TBL1Y: variants seen among roughly 807,000 people sequenced by gnomAD.
TBL1Y encodes the protein transducin beta like 1 Y-linked.
In TBL1Y, 15 loss-of-function variants were observed where a neutral mutation model predicts 12.0. That is an observed-to-expected ratio of 1.25 (90% CI 0.83 to 1.92). The LOEUF (loss-of-function observed/expected upper bound fraction) is 1.92, where lower values mean the gene tolerates loss of function less well. Among genes scored for constraint, TBL1Y ranks in the 40% most tolerant of loss-of-function variants. The pLI is 0.00. For synonymous variants in TBL1Y, 53 were observed against 42.6 expected (o/e 1.24, Z -0.95); for missense variants, 148 against 116.7 (o/e 1.27, Z -1.24).
intron 13 of TBL1Y, among the ~76,000 whole-genome samples, chrY:7,080,449 G>T (rs2013090098): frequency 3.1e-5 from 1 of 32,461 alleles, no homozygotes; most frequent in Non-Finnish European, 7.5e-5. Flanking sequence ...TTAGCTTAGT[G>T]TGGTGGCATA....
At chrY:6,983,890 G>A in intron 3 of TBL1Y, among the ~76,000 whole-genome samples, 1 of 33,371 alleles carries the variant, frequency 3.0e-5, no homozygotes, top group African/African-American at 1.2e-4. Flanking sequence ...TATCACACGT[G>A]TGTCCAGTAA....
chrY:7,079,756 G>A (rs2013082456), intron 13 of TBL1Y, among the ~76,000 whole-genome samples: 1 of 33,980 alleles, frequency 2.9e-5, no homozygotes, highest in Non-Finnish European at 7.3e-5. Flanking sequence ...TGAAAATAGG[G>A]CAAGAAATTC....
At chrY:6,938,973 G>C in intron 2 of TBL1Y, among the ~76,000 whole-genome samples, 1 of 33,998 alleles carries the variant, frequency 2.9e-5, no homozygotes, top group Non-Finnish European at 7.3e-5. Flanking sequence ...CATAAAGGTA[G>C]TGCAGACCCA....
At chrY:6,933,140 T>C (rs2011877972) in intron 2 of TBL1Y, among the ~76,000 whole-genome samples, 1 of 33,992 alleles carries the variant, frequency 2.9e-5, no homozygotes, top group Non-Finnish European at 7.3e-5. Context: ...CCTCAGGTGA[T>C]CTGCCTGCCT....
chrY:6,953,502 T>A, intron 2 of TBL1Y, among the ~76,000 whole-genome samples: 9 of 34,172 alleles, frequency 2.6e-4, no homozygotes, highest in Admixed American at 2.4e-3. Context: ...CGTCACGTAG[T>A]TCTCTTGCCA....
rs745913966 is a variant in TBL1Y at position 7,043,031 on chromosome Y, C to A, written c.110C>A (p.Ser37Tyr). 8 of 396,068 alleles carry A rather than the reference C, an allele frequency of 2.0e-5. No homozygotes were observed. Among genetic ancestry groups the A allele is most frequent in the Non-Finnish European group, 2.5e-5 (7 of 283,172 alleles). The change falls in exon 7 of 19, where the codon TCC (serine) becomes TAC (tyrosine). Residue 37 changes from serine (S) to tyrosine (Y), a missense_variant. By Grantham distance (144) the Ser-to-Tyr change is moderately radical. Transcript: ENST00000383032. ...TFGIESHISQ[S>Y]NINGTLVPPS... The stretch of plus-strand genomic sequence containing the variant: ...GGGATCGAGAGCCACATCAGCCAGT[C>A]CAACATCAATGGGACACTAGTGCCA...
At chrY:7,001,122 G>A (rs2012447111) in intron 4 of TBL1Y, among the ~76,000 whole-genome samples, 1 of 32,179 alleles carries the variant, frequency 3.1e-5, no homozygotes, top group African/African-American at 1.2e-4. Flanking sequence ...ATCCTCTGTG[G>A]GGAACCCTGT....
intron 8 of TBL1Y, among the ~76,000 whole-genome samples, chrY:7,067,272 C>T: frequency 3.0e-5 from 1 of 33,243 alleles, no homozygotes; most frequent in Non-Finnish European, 7.4e-5. Flanking sequence ...TTCAAGACAA[C>T]ATAGCAAGGC....
At chrY:7,080,047 G>GTT (rs1426265629) in intron 13 of TBL1Y, among the ~76,000 whole-genome samples, 11 of 8,409 alleles carry the variant, frequency 1.3e-3, no homozygotes, top group African/African-American at 5.9e-3. Context: ...ACACGGGACT[G>GTT]TTTGTTTTTT....
At chrY:7,040,745 C>A (rs2012717233) in intron 6 of TBL1Y, among the ~76,000 whole-genome samples, 1 of 34,441 alleles carries the variant, frequency 2.9e-5, no homozygotes, top group Non-Finnish European at 7.3e-5. Context: ...ATCACATGAA[C>A]CTTGACCTGA....
rs778214592 is a variant in TBL1Y, at chrY:7,017,325, T to C, written c.-139-4124T>C. ...TGGTTAAATTTACATTAAGTTATTT[T>C]TACCCCAGCTGAAAACAACAACAAC... On this transcript the variant is annotated intron_variant, in intron 4 of 18. Coordinates refer to ENST00000383032, the MANE Select transcript of TBL1Y (RefSeq NM_033284.2). Among the ~76,000 whole-genome samples the C allele has an allele frequency of 2.1e-4, 7 of 33,377 alleles. No homozygotes were observed. The East Asian group carries it at 4.7e-3, about 22-fold the overall frequency. The allele number at this position is 33,377 out of a possible 37,273, so 89.5% of individuals were successfully genotyped here.
intron 13 of TBL1Y, among the ~76,000 whole-genome samples, chrY:7,080,350 G>C (rs998342649): frequency 6.0e-5 from 2 of 33,307 alleles, no homozygotes; most frequent in African/African-American, 1.2e-4. Flanking sequence ...GGGCTTATAG[G>C]CATGAGAGGC....
chrY:7,002,574 G>T (rs2012459306), intron 4 of TBL1Y, among the ~76,000 whole-genome samples: 1 of 33,953 alleles, frequency 2.9e-5, no homozygotes. Context: ...CGTAATGTGG[G>T]AAATTAAGGA....
chrY:7,027,190 C>T (rs2012631001), intron 6 of TBL1Y, among the ~76,000 whole-genome samples: 1 of 33,490 alleles, frequency 3.0e-5, no homozygotes, highest in Non-Finnish European at 7.4e-5. Flanking sequence ...GTGTAAGCCA[C>T]TGCGCCCAGC....
intron 6 of TBL1Y, among the ~76,000 whole-genome samples, chrY:7,042,584 G>A (rs758449742): frequency 3.2e-5 from 1 of 31,491 alleles, no homozygotes; most frequent in African/African-American, 1.3e-4. Flanking sequence ...GTAGAGACAG[G>A]ATTTCACCAT....
Position 7,087,301 on chromosome Y carries a change from G to A in TBL1Y, c.1315G>A (p.Val439Met). ...SFDSTVRLWD[V>M]EQGVCTHTLM... ...TGATTCTACAGTGCGACTGTGGGATGTGGAGCAAGGTGTCTGCACCCACAC... is the reference window on the plus strand; with the variant it reads ...TGATTCTACAGTGCGACTGTGGGATATGGAGCAAGGTGTCTGCACCCACAC... The change falls in exon 17 of 19, where the codon GTG (valine) becomes ATG (methionine). Residue 439 changes from valine (V) to methionine (M), a missense_variant. By Grantham distance (21) the Val-to-Met change is conservative. Transcript: ENST00000383032. 5.1e-6 allele frequency: 2 copies of A among 393,984 alleles called. No homozygotes were observed. Among genetic ancestry groups the A allele is most frequent in the Non-Finnish European group, 7.1e-6 (2 of 281,702 alleles).
At chrY:7,001,749 A>G in intron 4 of TBL1Y, among the ~76,000 whole-genome samples, 5 of 34,562 alleles carry the variant, frequency 1.4e-4, no homozygotes, top group African/African-American at 5.6e-4. Flanking sequence ...AATAAAAGAT[A>G]TATCTTTTTA....
chrY:6,967,122 C>G (rs2012174214), intron 2 of TBL1Y, among the ~76,000 whole-genome samples: 1 of 33,008 alleles, frequency 3.0e-5, no homozygotes, highest in Non-Finnish European at 7.4e-5. Flanking sequence ...AAGGTACTTG[C>G]ACTAGGGACA....
intron 17 of TBL1Y, 148 bp downstream of exon 17, chrY:7,087,580 C>A: frequency 6.9e-6 from 1 of 145,660 alleles, no homozygotes; most frequent in Non-Finnish European, 1.2e-5. Context: ...CCATCTTGCA[C>A]CCCATGTGGG....
Sources: gnomAD v4.1 joint callset for allele counts (sites outside exome capture counted in the v4.1 genomes callset) on GRCh38, gnomAD v4.1.1 for gene constraint, MANE v1.5 for transcripts, NCBI Gene and HGNC (gene_info 2026-07-23, HGNC 2026-07-21) for gene names.